The following FNDC3B variants were observed in gnomAD, a reference collection of about 807,000 sequenced individuals.
FNDC3B encodes fibronectin type III domain-containing protein 3B.
FNDC3B carries 12 observed loss-of-function variants against 151.5 expected under a neutral mutation model. That is an observed-to-expected ratio of 0.08 (90% CI 0.05 to 0.13). The LOEUF (loss-of-function observed/expected upper bound fraction) is 0.13, where lower values mean the gene tolerates loss of function less well. FNDC3B is among the 10% of genes least tolerant of loss of function. The pLI is 1.00. For synonymous variants in FNDC3B, 528 were observed against 549.0 expected (o/e 0.96, Z 0.54); for missense variants, 1,214 against 1,505.3 (o/e 0.81, Z 3.20).
intron 3 of FNDC3B, among the ~76,000 whole-genome samples, chr3:172,220,436 T>C (rs374448765): frequency 6.6e-5 from 10 of 152,244 alleles, no homozygotes; most frequent in East Asian, 5.8e-4. Flanking sequence ...TTATCAAATA[T>C]GATTTGTAAA....
At position 172,352,286 on chromosome 3, in the gene FNDC3B, G is replaced by C. The variant is rs1733892899; in HGVS notation, c.2515-517G>C. 1.3e-5 allele frequency among the ~76,000 whole-genome samples: 2 copies of C among 152,180 alleles called. No homozygotes were observed. Among genetic ancestry groups the C allele is most frequent in the African/African-American group, 4.8e-5 (2 of 41,450 alleles). On this transcript the variant is annotated intron_variant, in intron 21 of 25. Coordinates refer to ENST00000415807, the MANE Select transcript of FNDC3B (RefSeq NM_022763.4). The surrounding 1 kb of genome is among the most constrained non-coding windows in gnomAD (Gnocchi z 4.2). ...TAAAATCAGATAAGCGCTGACGATT[G>C]ACTTCAGGGATGAGTTTATTATTCA...
chr3:172,094,388 A>G (rs115309801), intron 1 of FNDC3B, among the ~76,000 whole-genome samples: 3,044 of 152,270 alleles, frequency 0.02, 44 homozygotes, highest in Non-Finnish European at 0.032. Context: ...CATTTCATAT[A>G]AAGGGAATCG....
At chr3:172,344,343 G>A (rs1388468451) in intron 19 of FNDC3B, 85 bp downstream of exon 19, 100 of 1,303,794 alleles carry the variant, frequency 7.7e-5, no homozygotes, top group Non-Finnish European at 4.6e-5. Context: ...CTAGCCTCCT[G>A]AAATTTTTGA....
Position 172,299,532 on chromosome 3 carries a change from C to A in FNDC3B, c.1061+745C>A, listed in dbSNP as rs76298766. On this transcript the variant is annotated intron_variant, in intron 9 of 25. Transcript: ENST00000415807. ...AATATGACCCATAACACTAAAAAAA[C>A]TTTTTTTTAATCTTTATTTTATCTA... Among the ~76,000 whole-genome samples the A allele has an allele frequency of 2.1e-3, 322 of 152,058 alleles. 2 individuals carry two copies. Among genetic ancestry groups the A allele is most frequent in the African/African-American group, 7.4e-3 (305 of 41,490 alleles).
intron 23 of FNDC3B, among the ~76,000 whole-genome samples, chr3:172,368,979 C>A (rs1375081928): frequency 1.3e-5 from 2 of 152,154 alleles, no homozygotes; most frequent in Non-Finnish European, 2.9e-5. Context: ...CCACTGTACT[C>A]CAGCCTGGGC....
intron 4 of FNDC3B, among the ~76,000 whole-genome samples, chr3:172,244,115 G>C (rs1363134370): frequency 6.6e-6 from 1 of 152,202 alleles, no homozygotes; most frequent in African/African-American, 2.4e-5. Flanking sequence ...GTGTGGATGA[G>C]TCTTACTGTT....
chr3:172,112,986 T>C (rs1720051298), intron 2 of FNDC3B, among the ~76,000 whole-genome samples: 1 of 152,186 alleles, frequency 6.6e-6, no homozygotes, highest in Non-Finnish European at 1.5e-5. Context: ...CGTAGGGCAG[T>C]GTGAACCCAC....
chr3:172,268,476 A>T (rs756536232), intron 6 of FNDC3B, among the ~76,000 whole-genome samples: 9 of 152,254 alleles, frequency 5.9e-5, no homozygotes, highest in Admixed American at 1.3e-4. Context: ...CTGAGAACTC[A>T]GCTGGATCAT....
chr3:172,337,412 TGG>T lies in FNDC3B; in HGVS notation c.1852+12_1852+13del, dbSNP rs758387634. 13 of 1,594,476 alleles carry T rather than the reference TGG, an allele frequency of 8.2e-6. No individual in the cohort carries two copies. The East Asian group carries it at 2.0e-4, about 25-fold the overall frequency. ...ATGGAAATTCTGAAGGTGAAGTTTTTGGCAATTGTTTTATTCAAATCCAATAG... is the reference window on the plus strand; with the variant it reads ...ATGGAAATTCTGAAGGTGAAGTTTTTCAATTGTTTTATTCAAATCCAATAG... On this transcript the variant is annotated intron_variant, in intron 16 of 25. Transcript: ENST00000415807.
Position 172,090,819 on chromosome 3 carries a change from C to CT in FNDC3B, c.-28-21630dup, listed in dbSNP as rs557705112. ...CTTGTGTGACTGGTTGCAGCCAAAA[C>CT]TTTGTTTCATGTATAATATTATTTA... On this transcript the variant is annotated intron_variant, in intron 1 of 25. Transcript: ENST00000415807. Among the ~76,000 whole-genome samples the CT allele has an allele frequency of 1.4e-4, 22 of 152,206 alleles. No individual in the cohort carries two copies. In the South Asian group the frequency reaches 3.9e-3, roughly 27 times the overall value.
At chr3:172,111,137 A>G (rs919188569) in intron 1 of FNDC3B, among the ~76,000 whole-genome samples, 5 of 151,186 alleles carry the variant, frequency 3.3e-5, no homozygotes, top group Non-Finnish European at 5.9e-5. Context: ...GTGTAATGTC[A>G]TCAATTTGAG....
At chr3:172,355,446 G>A (rs562956031) in intron 22 of FNDC3B, among the ~76,000 whole-genome samples, 2 of 152,112 alleles carry the variant, frequency 1.3e-5, no homozygotes, top group African/African-American at 4.8e-5. Flanking sequence ...AACAGCATTA[G>A]CATCACCTGG....
intron 23 of FNDC3B, among the ~76,000 whole-genome samples, chr3:172,370,329 TA>T (rs1734827861): frequency 6.6e-6 from 1 of 152,170 alleles, no homozygotes; most frequent in Non-Finnish European, 1.5e-5. Flanking sequence ...TATAGTGATT[TA>T]AAATAAAGGA....
chr3:172,048,294 C>G (rs1031891483), intron 1 of FNDC3B, among the ~76,000 whole-genome samples: 1 of 152,044 alleles, frequency 6.6e-6, no homozygotes, highest in African/African-American at 2.4e-5. Context: ...AAAACCCATT[C>G]TATACCTTCT....
At chr3:172,345,334 C>G (rs915734975) in intron 19 of FNDC3B, among the ~76,000 whole-genome samples, 1 of 152,184 alleles carries the variant, frequency 6.6e-6, no homozygotes. Context: ...ACCCCATTCT[C>G]TCATCAACTT....
chr3:172,059,487 A>G (rs1045891694), intron 1 of FNDC3B, among the ~76,000 whole-genome samples: 3 of 152,184 alleles, frequency 2.0e-5, no homozygotes, highest in African/African-American at 7.2e-5. Flanking sequence ...TTGGGAGTCA[A>G]AAGTTTGCAT....
intron 1 of FNDC3B, among the ~76,000 whole-genome samples, chr3:172,105,221 T>C (rs571553455): frequency 6.6e-6 from 1 of 152,190 alleles, no homozygotes; most frequent in Non-Finnish European, 1.5e-5. Context: ...GGGAGGTTCA[T>C]GAATGCAGTT....
chr3:172,388,854 C>T (rs956502999), intron 25 of FNDC3B, among the ~76,000 whole-genome samples: 1 of 152,164 alleles, frequency 6.6e-6, no homozygotes, highest in Non-Finnish European at 1.5e-5. Flanking sequence ...AAAGTACAGT[C>T]AAGTAGCAAT....
chr3:172,271,414 G>A (rs930438689), intron 6 of FNDC3B, among the ~76,000 whole-genome samples: 3 of 152,054 alleles, frequency 2.0e-5, no homozygotes, highest in Admixed American at 1.3e-4. Context: ...CAGTAGTTCC[G>A]ATTTCTTAGG....
Sources: allele counts gnomAD v4.1 joint callset (sites outside exome capture counted in the v4.1 genomes callset), GRCh38; gene constraint gnomAD v4.1.1; non-coding constraint Gnocchi (gnomAD v3.1); transcripts MANE v1.5; gene names NCBI Gene and HGNC (gene_info 2026-07-23, HGNC 2026-07-21).